TLE1: variants seen among roughly 807,000 people sequenced by gnomAD.
TLE1 encodes the protein transducin-like enhancer protein 1.
TLE1 carries 21 observed loss-of-function variants against 89.8 expected under a neutral mutation model. That is an observed-to-expected ratio of 0.23 (90% CI 0.17 to 0.34). TLE1 has a LOEUF of 0.34. TLE1 is among the 10% of genes least tolerant of loss of function. The pLI is 1.00. For missense variants in TLE1, 795 were observed against 1,031.2 expected (o/e 0.77, Z 3.14); for synonymous variants, 447 against 407.6 (o/e 1.10, Z -1.16).
chr9:81,685,356 A>G (rs967855234), intron 4 of TLE1, among the ~76,000 whole-genome samples: 1 of 152,238 alleles, frequency 6.6e-6, no homozygotes, highest in African/African-American at 2.4e-5. Flanking sequence ...CAGCAACTGT[A>G]GAAGATACCC....
intron 4 of TLE1, among the ~76,000 whole-genome samples, chr9:81,679,669 A>G (rs1036596116): frequency 3.9e-5 from 6 of 152,168 alleles, no homozygotes; most frequent in Admixed American, 3.9e-4. Flanking sequence ...CAGCTGTCTA[A>G]AATTTACTTA....
intron 8 of TLE1, among the ~76,000 whole-genome samples, chr9:81,632,794 T>C (rs1397441306): frequency 2.0e-5 from 3 of 152,146 alleles, no homozygotes; most frequent in African/African-American, 4.8e-5. Flanking sequence ...ATGTCTAAAA[T>C]AGATATAAGA....
At chr9:81,612,121 C>T (rs907651325) in intron 12 of TLE1, among the ~76,000 whole-genome samples, 162 bp from the exon 13 acceptor site, 1 of 152,114 alleles carries the variant, frequency 6.6e-6, no homozygotes, top group African/African-American at 2.4e-5. Flanking sequence ...ACACTGGATC[C>T]CTCCTTCCCC....
chr9:81,584,397 G>A (rs1209834497), intron 19 of TLE1, 51 bp downstream of exon 19: 2 of 1,611,766 alleles, frequency 1.2e-6, no homozygotes, highest in African/African-American at 2.7e-5. Context: ...CCTGGCTTCA[G>A]AGGCGACACT....
intron 8 of TLE1, among the ~76,000 whole-genome samples, chr9:81,625,911 T>TTAAAAAAAAA (rs1491491955): frequency 4.6e-5 from 4 of 87,846 alleles, no homozygotes; most frequent in African/African-American, 2.1e-4. Context: ...CAGAAACTAC[T>TTAAAAAAAAA]AAAAAAAAAA....
chr9:81,677,738 T>C lies in TLE1; in HGVS notation c.234+7938A>G, dbSNP rs540418176. Among the ~76,000 whole-genome samples, 94 of 152,222 alleles carry C rather than the reference T, an allele frequency of 6.2e-4. 1 individual carries two copies. In the South Asian group the frequency reaches 0.018, roughly 30 times the overall value. On this transcript the variant is annotated intron_variant, in intron 4 of 19. Transcript: ENST00000376499. ...CATGTATTTCAGTAGTTTGACAAAC[T>C]GCAAGATTTGGACGCGCAAGTTCAA...
At chr9:81,642,727 G>GGAAAGAAAC (rs397697817) in intron 6 of TLE1, among the ~76,000 whole-genome samples, 1 of 84,340 alleles carries the variant, frequency 1.2e-5, no homozygotes, top group South Asian at 4.2e-4. Context: ...AGGAAAGAAA[G>GGAAAGAAAC]AAAGAAAGAG....
At chr9:81,656,870 T>C (rs79403151) in intron 4 of TLE1, among the ~76,000 whole-genome samples, 4,796 of 152,318 alleles carry the variant, frequency 0.031, 98 homozygotes, top group Non-Finnish European at 0.045. Context: ...AAGGAATCCC[T>C]AGATGTGAAA....
chr9:81,608,004 G>C (rs1001192747), intron 14 of TLE1, among the ~76,000 whole-genome samples: 2 of 152,220 alleles, frequency 1.3e-5, no homozygotes, highest in African/African-American at 4.8e-5. Context: ...TTCCTAAAAA[G>C]CAGGTGACAG....
intron 4 of TLE1, among the ~76,000 whole-genome samples, chr9:81,679,417 G>A (rs1258922769): frequency 6.6e-6 from 1 of 151,706 alleles, no homozygotes; most frequent in Non-Finnish European, 1.5e-5. Context: ...GTTAAATCAG[G>A]TGAATGGCAA....
intron 4 of TLE1, among the ~76,000 whole-genome samples, chr9:81,663,004 C>T (rs1469190204): frequency 1.3e-5 from 2 of 151,940 alleles, no homozygotes; most frequent in South Asian, 4.2e-4. Flanking sequence ...TGCACCACCA[C>T]GTGCAGCTAA....
At chr9:81,681,584 C>G (rs745410818) in intron 4 of TLE1, among the ~76,000 whole-genome samples, 4 of 151,960 alleles carry the variant, frequency 2.6e-5, no homozygotes, top group Non-Finnish European at 5.9e-5. Flanking sequence ...TCTTCACCAT[C>G]CTGGAGAGCC....
chr9:81,649,721 G>A (rs1829306755), intron 6 of TLE1, among the ~76,000 whole-genome samples: 1 of 152,136 alleles, frequency 6.6e-6, no homozygotes, highest in Non-Finnish European at 1.5e-5. Context: ...GCGCGCAGCT[G>A]CTGCTTGTAG....
At chr9:81,638,260 C>G (rs1827659154) in intron 6 of TLE1, among the ~76,000 whole-genome samples, 1 of 152,228 alleles carries the variant, frequency 6.6e-6, no homozygotes, top group South Asian at 2.1e-4. Context: ...GCCCCCAGCT[C>G]TCTTCCAAAG....
intron 4 of TLE1, among the ~76,000 whole-genome samples, chr9:81,684,929 T>G (rs941151225): frequency 1.3e-5 from 2 of 152,222 alleles, no homozygotes; most frequent in African/African-American, 4.8e-5. Context: ...ATGAGGTCCT[T>G]AGTGCCTTGT....
chr9:81,631,846 C>T (rs1037629246), intron 8 of TLE1, among the ~76,000 whole-genome samples: 1 of 152,140 alleles, frequency 6.6e-6, no homozygotes, highest in Admixed American at 6.5e-5. Context: ...CTCAGGCCTG[C>T]AATCCCAGCA....
chr9:81,684,071 GT>G (rs1340966010), intron 4 of TLE1, among the ~76,000 whole-genome samples: 1 of 151,312 alleles, frequency 6.6e-6, no homozygotes, highest in African/African-American at 2.4e-5. Flanking sequence ...GAGTTTATGG[GT>G]TTAAGAAAAA....
At chr9:81,595,677 G>A (rs1160451197) in intron 14 of TLE1, among the ~76,000 whole-genome samples, 2 of 151,940 alleles carry the variant, frequency 1.3e-5, no homozygotes, top group Admixed American at 6.6e-5. Flanking sequence ...AAATCAGCCG[G>A]GTATGGTGGC....
intron 4 of TLE1, among the ~76,000 whole-genome samples, chr9:81,685,404 G>A (rs1285716515): frequency 1.3e-5 from 2 of 152,160 alleles, no homozygotes; most frequent in East Asian, 3.8e-4. Flanking sequence ...AGGTGAAAAA[G>A]TAAACTCAAG....
Sources: allele counts gnomAD v4.1 joint callset (sites outside exome capture counted in the v4.1 genomes callset), GRCh38; gene constraint gnomAD v4.1.1; transcripts MANE v1.5; gene names NCBI Gene and HGNC (gene_info 2026-07-23, HGNC 2026-07-21).